Variants in WDR59 observed in about 807,000 individuals in gnomAD.
The protein encoded by WDR59 is GATOR2 complex protein WDR59.
A neutral mutation model predicts 131.2 loss-of-function variants in WDR59; 100 were observed. That is an observed-to-expected ratio of 0.76 (90% CI 0.65 to 0.90). The LOEUF (loss-of-function observed/expected upper bound fraction) is 0.90, where lower values mean the gene tolerates loss of function less well. Ranked by LOEUF, WDR59 falls within the 40% of genes least tolerant of loss-of-function variation. The probability of loss-of-function intolerance (pLI) is 0.00; values close to 1 mark genes in which losing one functional copy is unlikely to be tolerated. For synonymous variants in WDR59, 601 were observed against 466.2 expected, an observed-to-expected ratio of 1.29 and a Z score of -3.72; for missense variants, 1,203 against 1,262.2, an observed-to-expected ratio of 0.95 and a Z score of 0.71.
chr16:74,929,535 G>T (rs1043837624), intron 8 of WDR59, among the ~76,000 whole-genome samples: 1 of 152,138 alleles, frequency 6.6e-6, no homozygotes, highest in African/African-American at 2.4e-5. Context: ...AATAATGAAC[G>T]CTGGCAAGGA....
intron 18 of WDR59, chr16:74,899,672 G>A: frequency 1.6e-6 from 2 of 1,288,308 alleles, no homozygotes; most frequent in Non-Finnish European, 2.0e-6. Context: ...ATTAGTTAAG[G>A]AGAGCATTTG....
At chr16:74,945,667 G>A (rs905527299) in intron 6 of WDR59, among the ~76,000 whole-genome samples, 11 of 151,970 alleles carry the variant, frequency 7.2e-5, no homozygotes, top group East Asian at 5.8e-4. Context: ...AGCACTTAGC[G>A]CAGAAGCACA....
chr16:74,941,910 A>G (rs573937600), intron 7 of WDR59, among the ~76,000 whole-genome samples: 1 of 152,250 alleles, frequency 6.6e-6, no homozygotes, highest in South Asian at 2.1e-4. Flanking sequence ...AAGATAAGAC[A>G]GTGGGGACAT....
At chr16:74,879,185 T>G (rs1964359801) in intron 25 of WDR59, among the ~76,000 whole-genome samples, 1 of 152,124 alleles carries the variant, frequency 6.6e-6, no homozygotes, top group Non-Finnish European at 1.5e-5. Context: ...AGACTCCATC[T>G]CTACAAAAAC....
intron 5 of WDR59, 38 bp downstream of exon 5, chr16:74,949,680 C>A: frequency 1.3e-6 from 2 of 1,590,428 alleles, no homozygotes; most frequent in Non-Finnish European, 1.7e-6. Flanking sequence ...TCCCAAATCA[C>A]CCCCAACCAA....
intron 6 of WDR59, among the ~76,000 whole-genome samples, chr16:74,943,373 A>T (rs781154030): frequency 6.6e-6 from 1 of 151,836 alleles, no homozygotes; most frequent in South Asian, 2.1e-4. Context: ...CCCACTCCCC[A>T]TCAGCTATGT....
At position 74,904,092 on chromosome 16, in the gene WDR59, G is replaced by A. The variant is rs1567703467; in HGVS notation, c.1721C>T (p.Ser574Leu). 1.2e-6 allele frequency: 2 copies of A among 1,613,084 alleles called. No individual in the cohort carries two copies. Among genetic ancestry groups the A allele is most frequent in the Non-Finnish European group, 8.5e-7 (1 of 1,179,662 alleles). ...SPTEPTPRSL[S>L]ALSAYHTGLI... is the part of the protein sequence containing the mutation. The stretch of plus-strand genomic sequence containing the variant: ...GCCAGTGTGATAAGCAGACAAGGCT[G>A]AGAGAGATCTGTAGTTGAAAATGAT... The change falls in exon 18 of 26, where the codon TCA (serine) becomes TTA (leucine). Residue 574 changes from serine to leucine, a missense_variant. Coordinates refer to ENST00000262144, the MANE Select transcript of WDR59 (RefSeq NM_030581.4).
At chr16:74,973,281 T>C (rs2034059809) in intron 1 of WDR59, among the ~76,000 whole-genome samples, 1 of 64,740 alleles carries the variant, frequency 1.5e-5, no homozygotes. Context: ...CTGCCAAAGC[T>C]GGTTTGTTGT....
At chr16:74,939,308 T>A (rs1273099949) in intron 7 of WDR59, among the ~76,000 whole-genome samples, 1 of 152,132 alleles carries the variant, frequency 6.6e-6, no homozygotes, top group Non-Finnish European at 1.5e-5. Flanking sequence ...AAGAAGTTCA[T>A]CTTGGTGTTA....
rs1014955791 is a variant in WDR59 at position 74,942,896 on chromosome 16, G to A, written c.446-70C>T. Reference sequence around the variant, plus strand: ...TCGGAAGCAGAGCAGAGCACAGCCAGGGGAGCTGGATAATGAGTTCTGGCT... The same window carrying A: ...TCGGAAGCAGAGCAGAGCACAGCCAAGGGAGCTGGATAATGAGTTCTGGCT... On this transcript the variant is annotated intron_variant, in intron 6 of 25. Coordinates refer to ENST00000262144, the MANE Select transcript of WDR59 (RefSeq NM_030581.4). The A allele has an allele frequency of 2.8e-6, 4 of 1,416,304 alleles. No individual in the cohort carries two copies. In the African/African-American group the frequency reaches 4.3e-5, roughly 15 times the overall value. The allele number at this position is 1,416,304 out of a possible 1,614,324, so 87.7% of individuals were successfully genotyped here. A position where few individuals can be genotyped will look rare whatever the true frequency, so the allele number is the denominator to read the frequency against.
intron 1 of WDR59, among the ~76,000 whole-genome samples, chr16:74,966,449 C>T (rs1003059758): frequency 1.3e-5 from 2 of 151,938 alleles, no homozygotes; most frequent in African/African-American, 4.8e-5. Context: ...CACTGCACTC[C>T]AGCCTGGGCA....
intron 1 of WDR59, among the ~76,000 whole-genome samples, chr16:74,966,990 A>T (rs186051972): frequency 5.1e-4 from 77 of 152,346 alleles, no homozygotes; most frequent in Middle Eastern, 3.4e-3. Flanking sequence ...CAGTATCATG[A>T]AACAGTTTGT....
intron 17 of WDR59, 28 bp from the exon 18 acceptor site, chr16:74,904,128 A>G (rs765020571): frequency 3.2e-5 from 51 of 1,600,176 alleles, no homozygotes; most frequent in Non-Finnish European, 3.9e-5. Flanking sequence ...AATTATCCAC[A>G]CTGGCTGCAG....
intron 25 of WDR59, among the ~76,000 whole-genome samples, chr16:74,881,236 G>T (rs1230568679): frequency 6.6e-6 from 1 of 152,172 alleles, no homozygotes; most frequent in Non-Finnish European, 1.5e-5. Flanking sequence ...ACTCAAATTT[G>T]CTATGATGAA....
chr16:74,900,450 A>T (rs752967743), intron 18 of WDR59, among the ~76,000 whole-genome samples: 1 of 152,160 alleles, frequency 6.6e-6, no homozygotes, highest in Non-Finnish European at 1.5e-5. Context: ...CTCTCTAGTT[A>T]TTTACATGAG....
intron 20 of WDR59, among the ~76,000 whole-genome samples, chr16:74,891,270 G>A (rs1477750580): frequency 6.6e-6 from 1 of 152,102 alleles, no homozygotes; most frequent in Non-Finnish European, 1.5e-5. Flanking sequence ...TACAATCTAA[G>A]GAGAAAGAAT....
At chr16:74,945,198 C>T (rs567648649) in intron 6 of WDR59, among the ~76,000 whole-genome samples, 22 of 152,098 alleles carry the variant, frequency 1.4e-4, no homozygotes, top group Non-Finnish European at 2.9e-4. Context: ...TAAATGTGGC[C>T]GGGCGAAGAG....
At chr16:74,892,324 T>C (rs571114273) in intron 20 of WDR59, among the ~76,000 whole-genome samples, 160 bp downstream of exon 20, 1 of 152,266 alleles carries the variant, frequency 6.6e-6, no homozygotes, top group East Asian at 1.9e-4. Context: ...TTCCAGCATT[T>C]GGAAAGCCAC....
intron 1 of WDR59, among the ~76,000 whole-genome samples, chr16:74,971,323 T>C (rs2033972576): frequency 6.6e-6 from 1 of 152,058 alleles, no homozygotes; most frequent in Non-Finnish European, 1.5e-5. Flanking sequence ...AAATTTTGTT[T>C]CTGACAGTGG....
Sources: allele counts gnomAD v4.1 joint callset (sites outside exome capture counted in the v4.1 genomes callset), GRCh38; gene constraint gnomAD v4.1.1; transcripts MANE v1.5; gene names NCBI Gene and HGNC (gene_info 2026-07-23, HGNC 2026-07-21).